The following ST3GAL3 variants were observed in gnomAD, a reference collection of about 807,000 sequenced individuals.
ST3GAL3 encodes ST3 beta-galactoside alpha-2,3-sialyltransferase 3.
In ST3GAL3, 21 loss-of-function variants were observed where a neutral mutation model predicts 50.1. The ratio of observed to expected loss-of-function variants is 0.42; its 90% CI spans 0.30 to 0.60. The LOEUF is 0.60. Ranked by LOEUF, ST3GAL3 falls within the 20% of genes least tolerant of loss-of-function variation. The pLI is 0.19. For missense variants in ST3GAL3, 353 were observed against 489.4 expected, an observed-to-expected ratio of 0.72 and a Z score of 2.63; for synonymous variants, 183 against 190.0, an observed-to-expected ratio of 0.96 and a Z score of 0.30.
intron 1 of ST3GAL3, among the ~76,000 whole-genome samples, chr1:43,730,840 C>T (rs1675417793): frequency 6.6e-6 from 1 of 151,908 alleles, no homozygotes; most frequent in African/African-American, 2.4e-5. Context: ...AACCACCATG[C>T]CTAGCCATCA....
intron 5 of ST3GAL3, among the ~76,000 whole-genome samples, chr1:43,876,256 G>A (rs1039949045): frequency 7.2e-5 from 11 of 152,030 alleles, no homozygotes; most frequent in African/African-American, 2.4e-4. Context: ...GAGCCACTGC[G>A]CCCAGCTTAG....
rs1168770898 is a variant in ST3GAL3 at position 43,898,226 on chromosome 1, T to C, written c.398-9T>C. On this transcript the variant is annotated splice_polypyrimidine_tract_variant and intron_variant, in intron 6 of 11. Transcript: ENST00000347631. Reference sequence around the variant, plus strand: ...CCCTGTAACAGAAACCTCTCTCCTCTGTCTGCAGACAATCTGATCAAAGCC... The same window carrying C: ...CCCTGTAACAGAAACCTCTCTCCTCCGTCTGCAGACAATCTGATCAAAGCC... 2.5e-6 allele frequency: 4 copies of C among 1,613,776 alleles called. No individual in the cohort carries two copies. Among genetic ancestry groups the C allele is most frequent in the Non-Finnish European group, 3.4e-6 (4 of 1,179,996 alleles).
At chr1:43,820,290 C>T (rs2154183263) in intron 4 of ST3GAL3, among the ~76,000 whole-genome samples, 1 of 152,146 alleles carries the variant, frequency 6.6e-6, no homozygotes, top group South Asian at 2.1e-4. Flanking sequence ...TACATTTTAC[C>T]ATATATAAAA....
chr1:43,762,707 T>C (rs1036205863), intron 2 of ST3GAL3, among the ~76,000 whole-genome samples: 5 of 152,194 alleles, frequency 3.3e-5, no homozygotes, highest in Admixed American at 1.3e-4. Flanking sequence ...TGCATACATA[T>C]GCATAAAATA....
intron 4 of ST3GAL3, among the ~76,000 whole-genome samples, chr1:43,824,326 A>T (rs3791069): frequency 0.33 from 49,393 of 151,238 alleles, 9,924 homozygotes; most frequent in East Asian, 0.59. Context: ...TGCCACCATC[A>T]TGCTGACTTC....
intron 9 of ST3GAL3, chr1:43,913,591 A>G (rs1257084398): frequency 6.6e-6 from 1 of 151,902 alleles, no homozygotes; most frequent in Admixed American, 6.6e-5. Context: ...GGTACTTGAT[A>G]TTTTTGTGGC....
At chr1:43,722,867 CAG>C (rs1449964376) in intron 1 of ST3GAL3, among the ~76,000 whole-genome samples, 1 of 152,144 alleles carries the variant, frequency 6.6e-6, no homozygotes, top group Non-Finnish European at 1.5e-5. Flanking sequence ...ACTTGGAACT[CAG>C]AAGGGATATC....
At position 43,917,606 on chromosome 1, in the gene ST3GAL3, T is replaced by TA. The variant is rs2082200740; in HGVS notation, c.745-2797dup. Among the ~76,000 whole-genome samples the TA allele has an allele frequency of 3.2e-4, 2 of 6,228 alleles. 1 individual carries two copies. The highest frequency in any genetic ancestry group is 6.3e-3 in the South Asian group (2 of 316). 4.1% of individuals were successfully genotyped at this position (6,228 alleles called of 152,430 possible). ...CGTATTATATATAATATATATATTATATATTATATATTATATTATATATAA... is the reference window on the plus strand; with the variant it reads ...CGTATTATATATAATATATATATTATAATATTATATATTATATTATATATAA... On this transcript the variant is annotated intron_variant, in intron 9 of 11. Transcript: ENST00000347631.
intron 9 of ST3GAL3, among the ~76,000 whole-genome samples, chr1:43,917,443 AATATATAATATATAAT>A (rs56047444): frequency 0.51 from 39,819 of 77,918 alleles, 13,283 homozygotes; most frequent in Non-Finnish European, 0.7. Flanking sequence ...TTGCATATAT[AATATATAATATATAAT>A]ATATATAATA....
At chr1:43,775,919 G>A (rs1317880367) in intron 2 of ST3GAL3, among the ~76,000 whole-genome samples, 1 of 152,124 alleles carries the variant, frequency 6.6e-6, no homozygotes, top group Non-Finnish European at 1.5e-5. Flanking sequence ...GGCAGGTGAA[G>A]GAGATTTGTC....
intron 2 of ST3GAL3, among the ~76,000 whole-genome samples, chr1:43,758,892 T>A (rs990367210): frequency 3.0e-4 from 46 of 151,878 alleles, no homozygotes; most frequent in African/African-American, 1.1e-3. Flanking sequence ...AATTTAAAAA[T>A]CAGGCAGGCG....
intron 2 of ST3GAL3, among the ~76,000 whole-genome samples, chr1:43,756,535 AT>A (rs1688187888): frequency 8.4e-6 from 1 of 118,842 alleles, no homozygotes; most frequent in Non-Finnish European, 1.8e-5. Flanking sequence ...CATAAACTAT[AT>A]ATGTATTGTA....
chr1:43,765,600 T>A (rs1326450362), intron 2 of ST3GAL3, among the ~76,000 whole-genome samples: 2 of 152,236 alleles, frequency 1.3e-5, no homozygotes, highest in Non-Finnish European at 2.9e-5. Context: ...TTTACTTACC[T>A]GGGGACATTT....
chr1:43,872,579 C>A (rs2073223496), intron 5 of ST3GAL3, among the ~76,000 whole-genome samples: 1 of 151,874 alleles, frequency 6.6e-6, no homozygotes, highest in African/African-American at 2.4e-5. Context: ...TTCATCTTCA[C>A]AATAATCCAC....
At chr1:43,754,584 CTG>C (rs1458909334) in intron 2 of ST3GAL3, among the ~76,000 whole-genome samples, 1 of 152,178 alleles carries the variant, frequency 6.6e-6, no homozygotes, top group Non-Finnish European at 1.5e-5. Flanking sequence ...CTGAACAAAA[CTG>C]AGTCCATCCC....
chr1:43,930,394 A>C lies in ST3GAL3; in HGVS notation c.*173A>C, dbSNP rs2084864791. The C allele has an allele frequency of 1.4e-6, 1 of 692,956 alleles. No individual in the cohort carries two copies. The highest frequency in any genetic ancestry group is 1.5e-5 in the South Asian group (1 of 64,868). 42.9% of individuals were successfully genotyped at this position (692,956 alleles called of 1,614,324 possible). ...TGCTCAGCAGCCAGTCTCAGAGACC[A>C]GCACTCAGCCTCATTCAGCATGGGT... On this transcript the variant is annotated 3_prime_UTR_variant, in exon 12 of 12. Coordinates refer to ENST00000347631, the MANE Select transcript of ST3GAL3 (RefSeq NM_006279.5).
chr1:43,770,952 T>G (rs147220065), intron 2 of ST3GAL3, among the ~76,000 whole-genome samples: 2 of 152,354 alleles, frequency 1.3e-5, no homozygotes, highest in African/African-American at 4.8e-5. Flanking sequence ...CTTCATATTC[T>G]GATCTCTGAC....
chr1:43,762,648 T>A (rs931402274), intron 2 of ST3GAL3, among the ~76,000 whole-genome samples: 12 of 152,182 alleles, frequency 7.9e-5, no homozygotes, highest in Non-Finnish European at 2.9e-5. Flanking sequence ...GTTGTCTGTG[T>A]GTATCTCCAT....
intron 2 of ST3GAL3, among the ~76,000 whole-genome samples, chr1:43,747,361 G>A (rs1354771559): frequency 1.3e-5 from 2 of 151,814 alleles, no homozygotes; most frequent in African/African-American, 4.8e-5. Flanking sequence ...GCAGTGAGCC[G>A]AGATCATGCC....
Sources: allele counts gnomAD v4.1 joint callset (sites outside exome capture counted in the v4.1 genomes callset), GRCh38; gene constraint gnomAD v4.1.1; transcripts MANE v1.5; gene names NCBI Gene and HGNC (gene_info 2026-07-23, HGNC 2026-07-21).